GART: variants seen among roughly 807,000 people sequenced by gnomAD.
The protein encoded by GART is trifunctional purine biosynthetic protein adenosine-3.
GART carries 43 observed loss-of-function variants against 107.2 expected under a neutral mutation model. The observed-to-expected ratio is 0.40, with a 90% confidence interval of 0.31 to 0.52. The LOEUF is 0.52. GART is among the 20% of genes least tolerant of loss of function. The pLI, the probability that GART is intolerant of heterozygous loss-of-function variation, is 0.52. For missense variants in GART, 1,107 were observed against 1,206.5 expected (o/e 0.92, Z 1.22); for synonymous variants, 434 against 427.0 (o/e 1.02, Z -0.20).
chr21:33,518,615 A>G, intron 14 of GART: 1 of 336,260 alleles, frequency 3.0e-6, no homozygotes, highest in South Asian at 2.6e-5. Context: ...AGCAGTCATA[A>G]TGTAAAATAG....
At chr21:33,518,315 T>TA (rs371613162) in intron 14 of GART, among the ~76,000 whole-genome samples, 171 of 152,206 alleles carry the variant, frequency 1.1e-3, no homozygotes, top group Middle Eastern at 6.8e-3. Flanking sequence ...CTGTCTCTAC[T>TA]AAAAACACAA....
chr21:33,511,499 C>T (rs1389807845), intron 16 of GART, 41 bp from the exon 17 acceptor site: 9 of 1,579,944 alleles, frequency 5.7e-6, no homozygotes, highest in African/African-American at 1.3e-5. Context: ...TTCCTACCTT[C>T]TCACACAAAG....
Position 33,535,199 on chromosome 21 carries a change from T to C in GART, c.241+26A>G, listed in dbSNP as rs894332429. Reference sequence around the variant, plus strand: ...GCTTCTGTTTGCACTGAATATACTGTAACAATAAACAGAAACAAACTTTAC... The same window carrying C: ...GCTTCTGTTTGCACTGAATATACTGCAACAATAAACAGAAACAAACTTTAC... On this transcript the variant is annotated intron_variant, in intron 3 of 21. Coordinates refer to ENST00000381815, the MANE Select transcript of GART (RefSeq NM_000819.5). 3.5e-6 allele frequency: 5 copies of C among 1,446,560 alleles called. No individual in the cohort carries two copies. The African/African-American group carries it at 7.2e-5, about 21-fold the overall frequency. 89.6% of individuals were successfully genotyped at this position (1,446,560 alleles called of 1,614,324 possible).
chr21:33,536,633 T>A (rs1044600156), intron 2 of GART, among the ~76,000 whole-genome samples: 5 of 152,340 alleles, frequency 3.3e-5, no homozygotes, highest in Non-Finnish European at 7.3e-5. Flanking sequence ...TAACTATCAC[T>A]AATACTAAAA....
intron 17 of GART, 150 bp from the exon 18 acceptor site, chr21:33,510,070 C>A: frequency 1.5e-6 from 1 of 660,652 alleles, no homozygotes; most frequent in Non-Finnish European, 2.5e-6. Context: ...ACATTTGTAT[C>A]ACTTAACACT....
chr21:33,540,274 CAGGAAACCATCAA>C (rs2085387355), intron 1 of GART, among the ~76,000 whole-genome samples: 1 of 152,174 alleles, frequency 6.6e-6, no homozygotes, highest in African/African-American at 2.4e-5. Flanking sequence ...CTTTAAGTAG[CAGGAAACCATCAA>C]AGGTTTGTAA....
Position 33,504,536 on chromosome 21 carries a change from TAA to T in GART, c.2726-11_2726-10del, listed in dbSNP as rs763519289. ...GATATTGAGCATTTTTCCTAAAAAT[TAA>T]AAAAAGCATAGTGGTCAGAATTTAA... On this transcript the variant is annotated splice_polypyrimidine_tract_variant and intron_variant, in intron 20 of 21. Transcript: ENST00000381815. 1.3e-6 allele frequency: 2 copies of T among 1,580,386 alleles called. No homozygotes were observed. The highest frequency in any genetic ancestry group is 2.2e-5 in the South Asian group (2 of 90,170).
At chr21:33,509,015 A>T (rs2084736464) in intron 18 of GART, among the ~76,000 whole-genome samples, 1 of 152,096 alleles carries the variant, frequency 6.6e-6, no homozygotes, top group Non-Finnish European at 1.5e-5. Flanking sequence ...CTTTATTATC[A>T]ACTTGGGCCT....
Position 33,511,285 on chromosome 21 carries a change from A to G in GART, c.2281T>C (p.Trp761Arg). ...CGTGCAACCACACTGCCAATCACCC[A>G]GGCTTCTTCCTTGTGCTGCTGGATA... Reference protein sequence around the residue: ...RDIQQHKEEAWVIGSVVARAE... With the variant: ...RDIQQHKEEARVIGSVVARAE... The change falls in exon 17 of 22, where the codon TGG becomes CGG. Residue 761 changes from tryptophan (W) to arginine (R), a missense_variant. Physicochemically the swap from Trp to Arg is moderately radical, Grantham distance 101. Coordinates refer to ENST00000381815, the MANE Select transcript of GART (RefSeq NM_000819.5). The G allele has an allele frequency of 6.2e-7, 1 of 1,614,216 alleles. No individual in the cohort carries two copies. The highest frequency in any genetic ancestry group is 1.1e-5 in the South Asian group (1 of 91,086).
intron 16 of GART, among the ~76,000 whole-genome samples, chr21:33,516,328 C>T (rs2084879072): frequency 6.6e-6 from 1 of 151,172 alleles, no homozygotes; most frequent in South Asian, 2.1e-4. Context: ...TTACCCACTA[C>T]TTTGGACTGT....
rs755896042 is a variant in GART, at chr21:33,516,945, T to A, written c.2107+44A>T. On this transcript the variant is annotated intron_variant, in intron 16 of 21. Coordinates refer to ENST00000381815, the MANE Select transcript of GART (RefSeq NM_000819.5). Reference sequence around the variant, plus strand: ...AGTTTTCTCGCACAATGCATTTTTTTCCTCAGCAATTTTCTGAACAGAAGT... The same window carrying A: ...AGTTTTCTCGCACAATGCATTTTTTACCTCAGCAATTTTCTGAACAGAAGT... 6 of 1,538,630 alleles carry A rather than the reference T, an allele frequency of 3.9e-6. No individual in the cohort carries two copies. In the East Asian group the frequency reaches 1.4e-4, roughly 35 times the overall value.
intron 16 of GART, among the ~76,000 whole-genome samples, chr21:33,515,590 C>A (rs558930256): frequency 1.5e-5 from 2 of 133,320 alleles, no homozygotes; most frequent in Admixed American, 8.8e-5. Flanking sequence ...CAGTGAGCTG[C>A]GATTGCGCCA....
chr21:33,527,611 C>A (rs991534587), intron 10 of GART, among the ~76,000 whole-genome samples: 5 of 151,910 alleles, frequency 3.3e-5, no homozygotes, highest in African/African-American at 9.7e-5. Context: ...TTTGGACTTA[C>A]GGCACTGGAA....
intron 14 of GART, 42 bp downstream of exon 14, chr21:33,520,322 A>G: frequency 6.3e-7 from 1 of 1,582,364 alleles, no homozygotes; most frequent in Non-Finnish European, 8.7e-7. Context: ...TAAAACACAA[A>G]AAGAAGAATG....
intron 16 of GART, among the ~76,000 whole-genome samples, chr21:33,512,746 GC>G (rs1425878276): frequency 1.2e-4 from 12 of 96,252 alleles, no homozygotes; most frequent in Admixed American, 1.1e-3. Context: ...GCGACACCAT[GC>G]CTGGCTATTT....
At position 33,511,286 on chromosome 21, in the gene GART, G is replaced by A. The variant is rs2084780444; in HGVS notation, c.2280C>T (p.Ala760=). 1 of 1,614,156 alleles carries A rather than the reference G, an allele frequency of 6.2e-7. No homozygotes were observed. The highest frequency in any genetic ancestry group is 8.5e-7 in the Non-Finnish European group (1 of 1,180,036). The change falls in exon 17 of 22, where the codon GCC becomes GCT. Residue 760 remains alanine, a synonymous_variant. Coordinates refer to ENST00000381815, the MANE Select transcript of GART (RefSeq NM_000819.5). ...LRDIQQHKEE[A]WVIGSVVARA... is the part of the protein sequence containing the mutation. Reference sequence around the variant, plus strand: ...GTGCAACCACACTGCCAATCACCCAGGCTTCTTCCTTGTGCTGCTGGATAT... The same window carrying A: ...GTGCAACCACACTGCCAATCACCCAAGCTTCTTCCTTGTGCTGCTGGATAT...
chr21:33,522,356 A>T, intron 11 of GART, 74 bp from the exon 12 acceptor site: 3 of 1,157,776 alleles, frequency 2.6e-6, no homozygotes, highest in Non-Finnish European at 3.8e-6. Context: ...TATTTAAAGC[A>T]GAAGATATCC....
At chr21:33,523,072 G>C (rs1232453363) in intron 11 of GART, among the ~76,000 whole-genome samples, 9 of 152,128 alleles carry the variant, frequency 5.9e-5, no homozygotes, top group Non-Finnish European at 1.2e-4. Context: ...ATTTCCTTCT[G>C]TATAGGACCC....
chr21:33,541,597 C>T (rs1445298429), intron 1 of GART, among the ~76,000 whole-genome samples: 1 of 152,192 alleles, frequency 6.6e-6, no homozygotes, highest in East Asian at 1.9e-4. Flanking sequence ...GCGCCTTGGC[C>T]TGGGTAGAGA....
Sources: allele counts gnomAD v4.1 joint callset (sites outside exome capture counted in the v4.1 genomes callset), GRCh38; gene constraint gnomAD v4.1.1; transcripts MANE v1.5; gene names NCBI Gene and HGNC (gene_info 2026-07-23, HGNC 2026-07-21).